PCDH11X: variants seen among roughly 807,000 people sequenced by gnomAD.
PCDH11X encodes protocadherin 11 X-linked.
PCDH11X carries 18 observed loss-of-function variants against 53.3 expected under a neutral mutation model. That is an observed-to-expected ratio of 0.34 (90% CI 0.23 to 0.50). PCDH11X has a LOEUF of 0.50. Among genes scored for constraint, PCDH11X ranks in the 20% least tolerant of loss-of-function variants. The pLI is 0.98. For missense variants in PCDH11X, 570 were observed against 1,032.4 expected (o/e 0.55, Z 6.14); for synonymous variants, 279 against 393.3 (o/e 0.71, Z 3.44).
intron 6 of PCDH11X, among the ~76,000 whole-genome samples, chrX:92,087,488 C>T (rs1354492800): frequency 9.0e-6 from 1 of 111,136 alleles, no homozygotes; most frequent in Non-Finnish European, 1.9e-5. Flanking sequence ...TTGTTTTTTG[C>T]TATTGTCTGT....
chrX:92,037,344 A>G (rs991320528), intron 6 of PCDH11X, among the ~76,000 whole-genome samples: 1 of 110,511 alleles, frequency 9.0e-6, no homozygotes, highest in Non-Finnish European at 1.9e-5. Context: ...TTTGCTGAGG[A>G]TGTTGGCATC....
At chrX:92,480,358 G>T (rs2073476322) in intron 10 of PCDH11X, among the ~76,000 whole-genome samples, 1 of 111,170 alleles carries the variant, frequency 9.0e-6, no homozygotes. Context: ...TGTCATGTCA[G>T]CTATTTCAGC....
chrX:91,990,580 T>G (rs1250703836), intron 6 of PCDH11X, among the ~76,000 whole-genome samples: 1 of 111,796 alleles, frequency 8.9e-6, no homozygotes, highest in Admixed American at 9.5e-5. Context: ...CAAACTTCAT[T>G]TAAATTTTCT....
chrX:92,539,517 C>A lies in PCDH11X; in HGVS notation c.3367+71195C>A, dbSNP rs368930301. ...TCCTTCTCTGTGTTATCTTAAATTT[C>A]TTTGAGCCTCCTCAACACAGCTATT... On this transcript the variant is annotated intron_variant, in intron 10 of 10. Coordinates refer to ENST00000682573, the MANE Select transcript of PCDH11X (RefSeq NM_032968.5). Among the ~76,000 whole-genome samples the A allele has an allele frequency of 3.6e-3, 403 of 111,094 alleles. 1 individual carries two copies. Among genetic ancestry groups the A allele is most frequent in the African/African-American group, 0.013 (386 of 30,577 alleles).
intron 8 of PCDH11X, among the ~76,000 whole-genome samples, chrX:92,272,844 AG>A (rs1466334099): frequency 8.9e-6 from 1 of 112,402 alleles, no homozygotes; most frequent in Non-Finnish European, 1.9e-5. Context: ...AAAGAAAAAG[AG>A]GTTGTAAACT....
At chrX:91,828,368 C>T (rs147853947) in intron 4 of PCDH11X, among the ~76,000 whole-genome samples, 2,222 of 110,765 alleles carry the variant, frequency 0.02, 29 homozygotes, top group Non-Finnish European at 0.033. Flanking sequence ...GATCCGCCCG[C>T]TTCGGCCAAA....
chrX:92,426,806 G>A (rs751359256), intron 9 of PCDH11X, among the ~76,000 whole-genome samples: 2 of 110,735 alleles, frequency 1.8e-5, no homozygotes, highest in East Asian at 5.7e-4. Context: ...ATTCGAAAGG[G>A]ACCTTGGAGT....
chrX:92,475,305 T>C (rs1339047270), intron 10 of PCDH11X, among the ~76,000 whole-genome samples: 1 of 110,985 alleles, frequency 9.0e-6, no homozygotes, highest in East Asian at 2.8e-4. Context: ...TCATTAACAT[T>C]CTATTCTTTT....
At chrX:92,460,818 G>A in intron 9 of PCDH11X, 1 of 1,119,537 alleles carries the variant, frequency 8.9e-7, no homozygotes, top group Non-Finnish European at 1.2e-6. Flanking sequence ...GCTGGAAGAT[G>A]GCGAGGACTT....
chrX:92,310,063 T>C (rs2068916749), intron 8 of PCDH11X, among the ~76,000 whole-genome samples: 1 of 112,283 alleles, frequency 8.9e-6, no homozygotes, highest in South Asian at 3.7e-4. Flanking sequence ...CGGGTTTTTT[T>C]GCTCTGTTTT....
At chrX:92,154,543 G>A (rs1225759233) in intron 6 of PCDH11X, among the ~76,000 whole-genome samples, 1 of 106,372 alleles carries the variant, frequency 9.4e-6, no homozygotes, top group Non-Finnish European at 1.9e-5. Context: ...CCGCCCAAAT[G>A]TTGCATTTTC....
At chrX:92,299,835 C>A (rs2068684545) in intron 8 of PCDH11X, among the ~76,000 whole-genome samples, 1 of 109,217 alleles carries the variant, frequency 9.2e-6, no homozygotes, top group South Asian at 3.9e-4. Flanking sequence ...TTGGATATTT[C>A]TTTTCTGATA....
intron 8 of PCDH11X, among the ~76,000 whole-genome samples, chrX:92,279,328 T>A (rs1174223225): frequency 8.9e-6 from 1 of 112,226 alleles, no homozygotes; most frequent in Non-Finnish European, 1.9e-5. Flanking sequence ...GCATCATGCT[T>A]CAAACGATGC....
intron 7 of PCDH11X, among the ~76,000 whole-genome samples, chrX:92,217,438 G>C (rs1472134507): frequency 2.0e-5 from 2 of 98,171 alleles, no homozygotes; most frequent in Non-Finnish European, 4.1e-5. Context: ...AACCAACAAA[G>C]ATCAAAAGAG....
intron 7 of PCDH11X, among the ~76,000 whole-genome samples, chrX:92,246,643 G>A (rs1450722959): frequency 8.9e-6 from 1 of 111,790 alleles, no homozygotes; most frequent in Non-Finnish European, 1.9e-5. Context: ...AAGCCACCGT[G>A]CCCGACCTGA....
intron 10 of PCDH11X, among the ~76,000 whole-genome samples, chrX:92,479,352 G>T: frequency 9.1e-6 from 1 of 110,407 alleles, no homozygotes; most frequent in Non-Finnish European, 1.9e-5. Flanking sequence ...CATTTAGCTT[G>T]TTTACATTCA....
intron 10 of PCDH11X, among the ~76,000 whole-genome samples, chrX:92,574,956 C>T (rs1480199094): frequency 9.1e-6 from 1 of 110,392 alleles, no homozygotes; most frequent in African/African-American, 3.3e-5. Context: ...GAAAAAATGT[C>T]TCAAACATAC....
At chrX:92,353,591 G>A (rs912584274) in intron 8 of PCDH11X, among the ~76,000 whole-genome samples, 3 of 110,503 alleles carry the variant, frequency 2.7e-5, no homozygotes, top group Admixed American at 9.7e-5. Context: ...GAGTAGGTTC[G>A]ACTAATGCAT....
chrX:92,272,124 CT>C (rs2067974313), intron 8 of PCDH11X, among the ~76,000 whole-genome samples: 1 of 111,550 alleles, frequency 9.0e-6, no homozygotes, highest in Non-Finnish European at 1.9e-5. Context: ...ACTTAGATGT[CT>C]GCTTTTTTTA....
Sources: allele counts gnomAD v4.1 joint callset (sites outside exome capture counted in the v4.1 genomes callset), GRCh38; gene constraint gnomAD v4.1.1; transcripts MANE v1.5; gene names NCBI Gene and HGNC (gene_info 2026-07-23, HGNC 2026-07-21).